G3BP2: variants seen among roughly 807,000 people sequenced by gnomAD.
G3BP2 encodes ras GTPase-activating protein-binding protein 2.
A neutral mutation model predicts 56.7 loss-of-function variants in G3BP2; 11 were observed. That is an observed-to-expected ratio of 0.19 (90% CI 0.12 to 0.32). G3BP2 has a LOEUF of 0.32. Ranked by LOEUF, G3BP2 falls within the 10% of genes least tolerant of loss-of-function variation. The pLI is 1.00. For missense variants in G3BP2, 340 were observed against 610.9 expected (o/e 0.56, Z 4.67); for synonymous variants, 165 against 191.6 (o/e 0.86, Z 1.15).
chr4:75,702,334 G>C (rs1366320937), intron 3 of G3BP2, among the ~76,000 whole-genome samples: 1 of 152,052 alleles, frequency 6.6e-6, no homozygotes. Context: ...TGTAGAGATG[G>C]GGTTTTGCCA....
At chr4:75,713,823 T>C (rs549864031) in intron 3 of G3BP2, among the ~76,000 whole-genome samples, 1 of 152,198 alleles carries the variant, frequency 6.6e-6, no homozygotes, top group South Asian at 2.1e-4. Flanking sequence ...GTGGTAACAC[T>C]AATAATGGGA....
Position 75,695,989 on chromosome 4 carries a change from AAAAAAAAAAAAAG to A in G3BP2, c.-25+24875_-25+24887del, listed in dbSNP as rs1236189527. On this transcript the variant is annotated intron_variant, in intron 3 of 3. Transcript: ENST00000499709. ...AACTCTGTCTCAAAAAAAAAAAAAA[AAAAAAAAAAAAAG>A]AGTTAACAGAAAAGCACCTGAGATG... Among the ~76,000 whole-genome samples the A allele has an allele frequency of 1.5e-3, 206 of 134,410 alleles. 1 individual carries two copies. Among genetic ancestry groups the A allele is most frequent in the Non-Finnish European group, 2.7e-3 (173 of 63,350 alleles). The allele number at this position is 134,410 out of a possible 152,430, so 88.2% of individuals were successfully genotyped here. A position where few individuals can be genotyped will look rare whatever the true frequency, so the allele number is the denominator to read the frequency against.
At chr4:75,684,405 A>AAAAT (rs1163734553) in intron 3 of G3BP2, among the ~76,000 whole-genome samples, 1 of 152,004 alleles carries the variant, frequency 6.6e-6, no homozygotes, top group African/African-American at 2.4e-5. Context: ...ACTTTGTCAA[A>AAAAT]AAATAAATAA....
intron 1 of G3BP2, among the ~76,000 whole-genome samples, chr4:75,663,325 T>C (rs1732717454): frequency 1.5e-5 from 2 of 135,866 alleles, no homozygotes; most frequent in African/African-American, 2.8e-5. Flanking sequence ...GGTGCAATCA[T>C]GGCTCACTGC....
chr4:75,684,198 G>A (rs771220174), intron 3 of G3BP2, among the ~76,000 whole-genome samples: 14 of 152,108 alleles, frequency 9.2e-5, no homozygotes, highest in Admixed American at 2.0e-4. Context: ...GAGGTCAAGC[G>A]TTTGAGACCA....
At chr4:75,688,786 G>A (rs1054795638) in intron 3 of G3BP2, among the ~76,000 whole-genome samples, 1 of 152,184 alleles carries the variant, frequency 6.6e-6, no homozygotes, top group Non-Finnish European at 1.5e-5. Context: ...CCACTAGCTC[G>A]TTTGAGAATG....
At position 75,643,218 on chromosome 4, in the gene G3BP2, T is replaced by C. The variant is rs1200970975; in HGVS notation, c.*2212A>G. 1 of 150,252 alleles carries C rather than the reference T, an allele frequency of 6.7e-6. No homozygotes were observed. The highest frequency in any genetic ancestry group is 1.5e-5 in the Non-Finnish European group (1 of 67,426). The allele number at this position is 150,252 out of a possible 1,614,324, so 9.3% of individuals were successfully genotyped here. ...GGCTCTTTGCTCTACTTTTCTATTA[T>C]TACACTTAACATTTGTCATTACTTT... On this transcript the variant is annotated 3_prime_UTR_variant, in exon 12 of 12. Coordinates refer to ENST00000359707, the MANE Select transcript of G3BP2 (RefSeq NM_203505.3).
chr4:75,720,020 C>T (rs1245472314), intron 3 of G3BP2, among the ~76,000 whole-genome samples: 9 of 20,668 alleles, frequency 4.4e-4, no homozygotes, highest in Admixed American at 3.4e-3. Context: ...GGGCCCAGAA[C>T]CCTTTTTTTT....
chr4:75,673,843 T>TA (rs1416298198), upstream of G3BP2: 1 of 233,738 alleles, frequency 4.3e-6, no homozygotes, highest in Non-Finnish European at 8.2e-6. Context: ...TAGACGAGCT[T>TA]AAAATGCAGC....
At position 75,687,306 on chromosome 4, in the gene G3BP2, G is replaced by A. The variant is rs528365701; in HGVS notation, c.-24-25257C>T. On this transcript the variant is annotated intron_variant, in intron 3 of 3. Transcript: ENST00000499709. ...TAAGATCTGATGGTTTTAAAAACAG[G>A]AGTTTCCCTGCACAGGCTTTCTGTC... 5.3e-5 allele frequency among the ~76,000 whole-genome samples: 8 copies of A among 152,252 alleles called. No homozygotes were observed. In the South Asian group the frequency reaches 1.7e-3, roughly 32 times the overall value.
chr4:75,694,039 C>A (rs1190818745), intron 3 of G3BP2, among the ~76,000 whole-genome samples: 1 of 152,126 alleles, frequency 6.6e-6, no homozygotes, highest in African/African-American at 2.4e-5. Flanking sequence ...CTATGCCCAG[C>A]CATATCTGAG....
At chr4:75,661,298 T>C (rs891210705) in intron 2 of G3BP2, among the ~76,000 whole-genome samples, 5 of 152,086 alleles carry the variant, frequency 3.3e-5, no homozygotes, top group Admixed American at 6.6e-5. Flanking sequence ...CGGCTAATTT[T>C]TGTATTTTTA....
intron 3 of G3BP2, among the ~76,000 whole-genome samples, chr4:75,680,380 C>G (rs1399929392): frequency 6.6e-6 from 1 of 152,182 alleles, no homozygotes; most frequent in Non-Finnish European, 1.5e-5. Flanking sequence ...TCTTCACTAA[C>G]TACTTCTGTG....
chr4:75,652,084 C>CT (rs1731738060), intron 8 of G3BP2, among the ~76,000 whole-genome samples: 1 of 152,102 alleles, frequency 6.6e-6, no homozygotes, highest in Non-Finnish European at 1.5e-5. Flanking sequence ...TTAGAACGTT[C>CT]TTTTAAAGTT....
At chr4:75,720,710 C>T (rs1577910182) in intron 3 of G3BP2, among the ~76,000 whole-genome samples, 1 of 147,780 alleles carries the variant, frequency 6.8e-6, no homozygotes, top group Non-Finnish European at 1.5e-5. Flanking sequence ...GCAGGAGAAT[C>T]GCTTGAACCC....
chr4:75,669,524 A>G (rs1733316362), intron 1 of G3BP2, among the ~76,000 whole-genome samples: 1 of 152,216 alleles, frequency 6.6e-6, no homozygotes, highest in South Asian at 2.1e-4. Context: ...AAACACCTGC[A>G]TTCAGTTTGG....
At chr4:75,721,010 T>A (rs551522176) in intron 2 of G3BP2, among the ~76,000 whole-genome samples, 1 of 148,444 alleles carries the variant, frequency 6.7e-6, no homozygotes, top group African/African-American at 2.5e-5. Flanking sequence ...CCAGGCATGA[T>A]GGTGTGCACC....
At chr4:75,665,146 T>C (rs915745903) in intron 1 of G3BP2, among the ~76,000 whole-genome samples, 1 of 152,218 alleles carries the variant, frequency 6.6e-6, no homozygotes, top group African/African-American at 2.4e-5. Context: ...AGATAGAGTG[T>C]AGCTTTACAT....
chr4:75,701,795 A>C (rs1033237242), intron 3 of G3BP2, among the ~76,000 whole-genome samples: 16 of 152,176 alleles, frequency 1.1e-4, no homozygotes, highest in Non-Finnish European at 2.9e-5. Context: ...ACAATTTTGG[A>C]GAATAATTTT....
Sources: allele counts gnomAD v4.1 joint callset (sites outside exome capture counted in the v4.1 genomes callset), GRCh38; gene constraint gnomAD v4.1.1; transcripts MANE v1.5; gene names NCBI Gene and HGNC (gene_info 2026-07-23, HGNC 2026-07-21).